The following UBE2F variants were observed in gnomAD, a reference collection of about 807,000 sequenced individuals.
The protein encoded by UBE2F is ubiquitin conjugating enzyme E2 F (putative), also known as NEDD8-conjugating enzyme UBE2F.
Under a neutral mutation model 29.6 loss-of-function variants are expected in UBE2F, and 5 were observed. The ratio of observed to expected loss-of-function variants is 0.17; its 90% CI spans 0.09 to 0.36. The LOEUF is 0.36. Ranked by LOEUF, UBE2F falls within the 10% of genes least tolerant of loss-of-function variation. The pLI is 1.00. For missense variants in UBE2F, 141 were observed against 228.5 expected, an observed-to-expected ratio of 0.62 and a Z score of 2.47; for synonymous variants, 66 against 81.8, an observed-to-expected ratio of 0.81 and a Z score of 1.04.
intron 4 of UBE2F, among the ~76,000 whole-genome samples, chr2:238,001,541 G>A (rs1036709482): frequency 6.6e-6 from 1 of 152,060 alleles, no homozygotes; most frequent in Non-Finnish European, 1.5e-5. Context: ...CATTAGGCCG[G>A]GCCCAGTGGC....
At chr2:237,981,554 G>A (rs559071243) in intron 2 of UBE2F, among the ~76,000 whole-genome samples, 3 of 149,714 alleles carry the variant, frequency 2.0e-5, no homozygotes, top group Admixed American at 6.6e-5. Flanking sequence ...CCCTCCTTCC[G>A]TGAGTGAATT....
intron 2 of UBE2F, among the ~76,000 whole-genome samples, chr2:237,974,564 A>G (rs1173750365): frequency 1.6e-5 from 2 of 128,278 alleles, no homozygotes; most frequent in Admixed American, 1.9e-4. Context: ...CCCAGGCTGG[A>G]GTGCAGTGGT....
chr2:237,977,150 A>G (rs76873211), intron 2 of UBE2F, among the ~76,000 whole-genome samples: 3,286 of 152,072 alleles, frequency 0.022, 122 homozygotes, highest in East Asian at 0.12. Flanking sequence ...AAGGAAGGAA[A>G]TATCTTTGGC....
At chr2:238,031,822 T>TA (rs1445156475) in intron 7 of UBE2F, among the ~76,000 whole-genome samples, 2 of 152,248 alleles carry the variant, frequency 1.3e-5, no homozygotes, top group Non-Finnish European at 2.9e-5. Flanking sequence ...CAAGAGGCAG[T>TA]AGATGTAAAA....
intron 7 of UBE2F, among the ~76,000 whole-genome samples, chr2:238,031,393 C>A (rs567017317): frequency 1.4e-4 from 21 of 152,314 alleles, no homozygotes; most frequent in Admixed American, 1.1e-3. Context: ...CAGTGCTGGC[C>A]TGCTGACCTG....
chr2:237,997,701 G>T (rs922368146), intron 4 of UBE2F, among the ~76,000 whole-genome samples: 1 of 152,196 alleles, frequency 6.6e-6, no homozygotes, highest in Non-Finnish European at 1.5e-5. Context: ...TGCATTTTCA[G>T]CTCACACCTC....
rs1418650571 is a variant in UBE2F at position 237,991,819 on chromosome 2, G to A, written c.149-2925G>A. 2.0e-5 allele frequency among the ~76,000 whole-genome samples: 3 copies of A among 150,846 alleles called. No individual in the cohort carries two copies. The East Asian group carries it at 5.8e-4, about 29-fold the overall frequency. On this transcript the variant is annotated intron_variant, in intron 3 of 9. Transcript: ENST00000272930. Reference sequence around the variant, plus strand: ...GGTTTTGCCAGGATTACAGGCGTGAGCCGCTGCGCCTGGCATAGTTTTATT... The same window carrying A: ...GGTTTTGCCAGGATTACAGGCGTGAACCGCTGCGCCTGGCATAGTTTTATT...
chr2:237,994,573 A>G (rs149401573), intron 3 of UBE2F, among the ~76,000 whole-genome samples, 171 bp from the exon 4 acceptor site: 1 of 152,344 alleles, frequency 6.6e-6, no homozygotes, highest in Non-Finnish European at 1.5e-5. Context: ...TTGCAATTTT[A>G]GAGTATTGGC....
intron 2 of UBE2F, among the ~76,000 whole-genome samples, chr2:237,975,838 C>T (rs867623069): frequency 2.6e-4 from 39 of 152,180 alleles, no homozygotes; most frequent in Middle Eastern, 6.8e-3. Context: ...GGGGTTTCAA[C>T]ATGTTGGCCA....
chr2:238,035,737 G>T, intron 8 of UBE2F, 141 bp from the exon 9 acceptor site: 1 of 623,914 alleles, frequency 1.6e-6, no homozygotes. Context: ...ACAAGCACTT[G>T]AGTTCTTAGT....
chr2:238,023,925 G>T (rs1453589895), intron 5 of UBE2F, among the ~76,000 whole-genome samples: 1 of 152,142 alleles, frequency 6.6e-6, no homozygotes, highest in African/African-American at 2.4e-5. Flanking sequence ...ATTTCACCCA[G>T]GATGAACCCT....
At chr2:237,995,723 GATA>G (rs2106354234) in intron 4 of UBE2F, among the ~76,000 whole-genome samples, 1 of 152,192 alleles carries the variant, frequency 6.6e-6, no homozygotes, top group East Asian at 1.9e-4. Flanking sequence ...GAAGATGTTT[GATA>G]ATAATAGCAC....
chr2:238,030,626 C>A lies in UBE2F; in HGVS notation c.411+13C>A. The A allele has an allele frequency of 6.2e-7, 1 of 1,608,076 alleles. No homozygotes were observed. Among genetic ancestry groups the A allele is most frequent in the Non-Finnish European group, 8.5e-7 (1 of 1,174,866 alleles). On this transcript the variant is annotated intron_variant, in intron 7 of 9. Coordinates refer to ENST00000272930, the MANE Select transcript of UBE2F (RefSeq NM_080678.3). ...AAGAACATTAAAGGTAGAGTCTGTG[C>A]CTTGATCTTGATCATAAGTTGTCCC...
chr2:237,987,130 A>G (rs1045499015), intron 2 of UBE2F, among the ~76,000 whole-genome samples: 2 of 152,180 alleles, frequency 1.3e-5, no homozygotes, highest in African/African-American at 4.8e-5. Context: ...AACAGAGTAT[A>G]TATTTCCATA....
At chr2:238,016,709 A>G in intron 5 of UBE2F, 76 bp downstream of exon 5, 1 of 1,314,076 alleles carries the variant, frequency 7.6e-7, no homozygotes, top group Non-Finnish European at 1.1e-6. Flanking sequence ...CCACTGGCAC[A>G]GGGCCCTAGC....
intron 1 of UBE2F, among the ~76,000 whole-genome samples, chr2:237,972,550 T>A (rs796188391): frequency 0.075 from 10,741 of 142,842 alleles, 773 homozygotes; most frequent in East Asian, 0.28. Flanking sequence ...AATTTTTTTT[T>A]TTTTTTTTTT....
intron 4 of UBE2F, among the ~76,000 whole-genome samples, chr2:238,012,019 C>A (rs914485967): frequency 1.1e-4 from 16 of 150,520 alleles, no homozygotes; most frequent in Non-Finnish European, 2.2e-4. Flanking sequence ...GCTGGGACTA[C>A]AGGCACACAC....
chr2:238,021,266 G>T (rs1469900940), intron 5 of UBE2F, among the ~76,000 whole-genome samples: 2 of 152,228 alleles, frequency 1.3e-5, no homozygotes, highest in Admixed American at 6.5e-5. Flanking sequence ...CCTGGAGGAG[G>T]AGAGCCAGAG....
intron 2 of UBE2F, among the ~76,000 whole-genome samples, chr2:237,978,145 T>C (rs895978708): frequency 6.6e-6 from 1 of 152,180 alleles, no homozygotes; most frequent in Non-Finnish European, 1.5e-5. Flanking sequence ...GCAACTGTCA[T>C]TCGTTAGATG....
Sources: allele counts gnomAD v4.1 joint callset (sites outside exome capture counted in the v4.1 genomes callset), GRCh38; gene constraint gnomAD v4.1.1; transcripts MANE v1.5; gene names NCBI Gene and HGNC (gene_info 2026-07-23, HGNC 2026-07-21).